The following FGD5 variants were observed in gnomAD, a reference collection of about 807,000 sequenced individuals.
FGD5 encodes FYVE, RhoGEF and PH domain containing 5, also known as FYVE, RhoGEF and PH domain-containing protein 5.
FGD5 carries 28 observed loss-of-function variants against 133.4 expected under a neutral mutation model. That is an observed-to-expected ratio of 0.21 (90% CI 0.16 to 0.29). The LOEUF (loss-of-function observed/expected upper bound fraction) is 0.29. Among genes scored for constraint, FGD5 ranks in the 10% least tolerant of loss-of-function variants. The pLI, the probability that FGD5 is intolerant of heterozygous loss-of-function variation, is 1.00. For synonymous variants in FGD5, 810 were observed against 776.5 expected, an observed-to-expected ratio of 1.04 and a Z score of -0.72; for missense variants, 1,858 against 1,895.2, an observed-to-expected ratio of 0.98 and a Z score of 0.36.
chr3:14,812,174 AT>A (rs1268082754), intron 1 of FGD5, among the ~76,000 whole-genome samples: 1 of 152,216 alleles, frequency 6.6e-6, no homozygotes, highest in Admixed American at 6.5e-5. Context: ...AGGCCCTGTT[AT>A]TGCTGGGCAT....
chr3:14,914,149 G>A (rs2038505160), intron 11 of FGD5, among the ~76,000 whole-genome samples: 1 of 152,228 alleles, frequency 6.6e-6, no homozygotes. Context: ...AGGGCGGCCC[G>A]ACAGGTGCTC....
chr3:14,924,208 G>A lies in FGD5; in HGVS notation c.4068+70G>A, dbSNP rs118023750. The A allele has an allele frequency of 3.0e-4, 480 of 1,607,758 alleles. 3 individuals are homozygous for A. In the East Asian group the frequency reaches 1.0e-2, roughly 33 times the overall value. On this transcript the variant is annotated intron_variant, in intron 17 of 19. Coordinates refer to ENST00000285046, the MANE Select transcript of FGD5 (RefSeq NM_152536.4). Reference sequence around the variant, plus strand: ...AGGTTCATGGTCATCCTGGGTAGACGGAGTCAGACCCTGCCCTGTCCCAGC... The same window carrying A: ...AGGTTCATGGTCATCCTGGGTAGACAGAGTCAGACCCTGCCCTGTCCCAGC...
chr3:14,932,036 T>G (rs1196258161), intron 18 of FGD5: 2 of 152,146 alleles, frequency 1.3e-5, no homozygotes, highest in Admixed American at 6.5e-5. Flanking sequence ...TGGTCCCTGA[T>G]AAACTGTCAC....
chr3:14,843,152 T>G (rs1292402090), intron 1 of FGD5, among the ~76,000 whole-genome samples: 1 of 152,162 alleles, frequency 6.6e-6, no homozygotes, highest in Non-Finnish European at 1.5e-5. Context: ...TTTGCTTGAT[T>G]TATCTTTTTC....
intron 4 of FGD5, among the ~76,000 whole-genome samples, chr3:14,889,866 T>TA (rs80343298): frequency 1.1e-4 from 17 of 152,006 alleles, no homozygotes; most frequent in Admixed American, 7.2e-4. Context: ...GCTTTTTTTT[T>TA]AAAAAAATTG....
chr3:14,900,920 G>T, intron 8 of FGD5, 83 bp from the exon 9 acceptor site: 2 of 1,520,914 alleles, frequency 1.3e-6, no homozygotes, highest in Non-Finnish European at 1.8e-6. Flanking sequence ...AGCTGGGCTT[G>T]AGGCCTGTGA....
At chr3:14,900,633 T>G (rs1443651165) in intron 8 of FGD5, among the ~76,000 whole-genome samples, 180 bp downstream of exon 8, 1 of 151,926 alleles carries the variant, frequency 6.6e-6, no homozygotes, top group Non-Finnish European at 1.5e-5. Flanking sequence ...CTGAGATGGG[T>G]CCCCTGTCAC....
At chr3:14,859,458 G>A (rs983606895) in intron 1 of FGD5, among the ~76,000 whole-genome samples, 1 of 151,832 alleles carries the variant, frequency 6.6e-6, no homozygotes. Flanking sequence ...CTCGGGAGGC[G>A]GAGGCTCAAG....
upstream of FGD5, among the ~76,000 whole-genome samples, chr3:14,817,504 T>TTA (rs2036389512): frequency 6.6e-6 from 1 of 152,208 alleles, no homozygotes. Context: ...CCTTACCTAT[T>TTA]TATTTTTAAT....
At chr3:14,875,482 G>T (rs1227129880) in intron 2 of FGD5, among the ~76,000 whole-genome samples, 1 of 152,144 alleles carries the variant, frequency 6.6e-6, no homozygotes, top group East Asian at 1.9e-4. Context: ...AAATAGAGTG[G>T]GCTTAAGGGA....
intron 2 of FGD5, among the ~76,000 whole-genome samples, chr3:14,878,692 G>C (rs2037768300): frequency 6.6e-6 from 1 of 151,434 alleles, no homozygotes; most frequent in Admixed American, 6.6e-5. Context: ...ATAAGAGTTA[G>C]AGACAGGAAA....
At chr3:14,868,550 A>G (rs1214650971) in intron 2 of FGD5, among the ~76,000 whole-genome samples, 1 of 152,204 alleles carries the variant, frequency 6.6e-6, no homozygotes, top group Non-Finnish European at 1.5e-5. Flanking sequence ...ACCACCATGC[A>G]CTTTCTCTGT....
In FGD5 at chr3:14,922,132, A is replaced by G; in HGVS notation, c.3669+115A>G. 8.4e-7 allele frequency: 1 copy of G among 1,196,468 alleles called. No individual in the cohort carries two copies. The allele number at this position is 1,196,468 out of a possible 1,614,324, so 74.1% of individuals were successfully genotyped here. On this transcript the variant is annotated intron_variant, in intron 14 of 19. Coordinates refer to ENST00000285046, the MANE Select transcript of FGD5 (RefSeq NM_152536.4). The surrounding 1 kb of genome is among the most constrained non-coding windows in gnomAD (Gnocchi z 4.1). ...GGACGTGTAGCTCCTGTCTTGGGGCACTGGCTCCCCCCACACCCCTGCCAT... is the reference window on the plus strand; with the variant it reads ...GGACGTGTAGCTCCTGTCTTGGGGCGCTGGCTCCCCCCACACCCCTGCCAT...
intron 10 of FGD5, among the ~76,000 whole-genome samples, chr3:14,909,270 AATTT>A (rs2038401329): frequency 6.6e-6 from 1 of 152,160 alleles, no homozygotes. Flanking sequence ...GCCCAGCGGG[AATTT>A]ATTTAAGAAA....
At chr3:14,888,543 A>G (rs948962061) in intron 4 of FGD5, among the ~76,000 whole-genome samples, 3 of 152,234 alleles carry the variant, frequency 2.0e-5, no homozygotes, top group Admixed American at 2.0e-4. Flanking sequence ...ATTAAACTAG[A>G]TATGGATATA....
intron 2 of FGD5, 79 bp from the exon 3 acceptor site, chr3:14,880,493 C>A: frequency 7.1e-7 from 1 of 1,413,294 alleles, no homozygotes; most frequent in Non-Finnish European, 9.8e-7. Flanking sequence ...ATGCTTGGAA[C>A]TTGCCTCCAG....
At chr3:14,860,618 T>G (rs2037379718) in intron 1 of FGD5, among the ~76,000 whole-genome samples, 1 of 152,140 alleles carries the variant, frequency 6.6e-6, no homozygotes, top group African/African-American at 2.4e-5. Context: ...ACCTCCAATA[T>G]GAGCAAGATA....
At chr3:14,864,544 C>G (rs539525338) in intron 2 of FGD5, among the ~76,000 whole-genome samples, 28 of 152,290 alleles carry the variant, frequency 1.8e-4, no homozygotes, top group African/African-American at 6.5e-4. Flanking sequence ...ATAGAGCTGC[C>G]TGATTTGAAT....
At chr3:14,882,126 T>C (rs2037836423) in intron 4 of FGD5, among the ~76,000 whole-genome samples, 1 of 152,142 alleles carries the variant, frequency 6.6e-6, no homozygotes, top group Non-Finnish European at 1.5e-5. Context: ...AAGTATGAAA[T>C]GTACCAGCCC....
Sources: gnomAD v4.1 joint callset for allele counts (sites outside exome capture counted in the v4.1 genomes callset) on GRCh38, gnomAD v4.1.1 for gene constraint, Gnocchi (gnomAD v3.1) non-coding constraint, MANE v1.5 for transcripts, NCBI Gene and HGNC (gene_info 2026-07-23, HGNC 2026-07-21) for gene names.